The following PRSS54 variants were observed in gnomAD, a reference collection of about 807,000 sequenced individuals.
The protein encoded by PRSS54 is inactive serine protease 54.
A neutral mutation model predicts 19.9 loss-of-function variants in PRSS54; 16 were observed. That is an observed-to-expected ratio of 0.80 (90% CI 0.54 to 1.22). The LOEUF (loss-of-function observed/expected upper bound fraction) is 1.22, where lower values mean the gene tolerates loss of function less well. Among genes scored for constraint, PRSS54 ranks in the 50% most tolerant of loss-of-function variants. PRSS54 has a pLI of 0.00. For missense variants in PRSS54, 444 were observed against 494.8 expected (o/e 0.90, Z 0.97); for synonymous variants, 177 against 195.8 (o/e 0.90, Z 0.80).
At chr16:58,290,760 G>A (rs1225059804) in intron 4 of PRSS54, among the ~76,000 whole-genome samples, 199 bp downstream of exon 4, 1 of 152,188 alleles carries the variant, frequency 6.6e-6, no homozygotes, top group Non-Finnish European at 1.5e-5. Context: ...TCCGTTGCAA[G>A]GCCTGCAGTC....
At chr16:58,288,318 C>T (rs184893346) in intron 4 of PRSS54, among the ~76,000 whole-genome samples, 14 of 152,176 alleles carry the variant, frequency 9.2e-5, no homozygotes, top group East Asian at 7.7e-4. Context: ...CCCAGCTACT[C>T]GGGAGGCTGA....
chr16:58,291,093 G>T lies in PRSS54; in HGVS notation c.129C>A (p.Pro43=). Residue 43 remains proline (P), a synonymous_variant, in exon 4 of 7, where the codon CCC becomes CCA. Transcript: ENST00000567164. ...CCATGCTGCTGACCAAGCCCTCCTT[G>T]GGGTCAGGACCGTAGAAAACGGAAG... The part of the protein sequence containing the change: ...QKASVFYGPD[P]KEGLVSSMEF... The T allele has an allele frequency of 6.2e-7, 1 of 1,614,144 alleles. No homozygotes were observed. The highest frequency in any genetic ancestry group is 8.5e-7 in the Non-Finnish European group (1 of 1,180,016).
chr16:58,290,608 T>C (rs563694031), intron 4 of PRSS54, among the ~76,000 whole-genome samples: 1 of 152,324 alleles, frequency 6.6e-6, no homozygotes, highest in South Asian at 2.1e-4. Context: ...CCAAATGTTT[T>C]AAGGTAAGGG....
At position 58,291,114 on chromosome 16, in the gene PRSS54, G is replaced by C; in HGVS notation, c.108C>G (p.Ser36=). The stretch of plus-strand genomic sequence containing the variant: ...CCTTGGGGTCAGGACCGTAGAAAAC[G>C]GAAGCTTTCTGGACGCCACAACCTG... The part of the protein sequence containing the change: ...SSTSCGVQKA[S]VFYGPDPKEG... Residue 36 remains serine (S), a synonymous_variant, in exon 4 of 7, where the codon TCC becomes TCG. Coordinates refer to ENST00000567164, the MANE Select transcript of PRSS54 (RefSeq NM_001305173.2). The C allele has an allele frequency of 6.2e-7, 1 of 1,614,092 alleles. No individual in the cohort carries two copies. The highest frequency in any genetic ancestry group is 8.5e-7 in the Non-Finnish European group (1 of 1,180,028).
chr16:58,293,098 T>C (rs912474622), intron 3 of PRSS54, among the ~76,000 whole-genome samples: 2 of 151,050 alleles, frequency 1.3e-5, no homozygotes, highest in African/African-American at 2.4e-5. Flanking sequence ...AGTGTGTGTG[T>C]GCGTGTGTGT....
chr16:58,285,806 G>T, intron 5 of PRSS54, 131 bp downstream of exon 5: 1 of 977,858 alleles, frequency 1.0e-6, no homozygotes, highest in East Asian at 2.6e-5. Flanking sequence ...ATTAGGTAAG[G>T]GTTTCAGCCA....
Position 58,286,097 on chromosome 16 carries a change from AAG to A in PRSS54, c.360_361del (p.Phe121Ter). ...GTTGTTGCTCATGGAGTTGTTATCA[AAG>A]TCCTCATGGATGATGATGGTATTGA... On this transcript the variant is annotated frameshift_variant, in exon 5 of 7. Coordinates refer to ENST00000567164, the MANE Select transcript of PRSS54 (RefSeq NM_001305173.2). 3 of 1,614,184 alleles carry A rather than the reference AAG, an allele frequency of 1.9e-6. No individual in the cohort carries two copies. Among genetic ancestry groups the A allele is most frequent in the Non-Finnish European group, 2.5e-6 (3 of 1,180,028 alleles).
intron 6 of PRSS54, 166 bp downstream of exon 6, chr16:58,284,424 T>C (rs535501205): frequency 1.5e-6 from 1 of 645,670 alleles, no homozygotes; most frequent in Non-Finnish European, 2.7e-6. Context: ...CAGATTTTTA[T>C]TGAGCGCATA....
chr16:58,290,296 CA>C lies in PRSS54; in HGVS notation c.263+662del, dbSNP rs374272377. On this transcript the variant is annotated intron_variant, in intron 4 of 6. Coordinates refer to ENST00000567164, the MANE Select transcript of PRSS54 (RefSeq NM_001305173.2). ...CATCCTAGGAACAGCTTTGTACATA[CA>C]AATTTTCCAGTGGTTGAAATTATTT... 5.9e-3 allele frequency among the ~76,000 whole-genome samples: 901 copies of C among 152,090 alleles called. 4 individuals carry two copies. Among genetic ancestry groups the C allele is most frequent in the South Asian group, 0.013 (61 of 4,824 alleles).
rs1964686609 is a variant in PRSS54 at position 58,280,369 on chromosome 16, T to C, written c.1043A>G (p.Glu348Gly). ...ATAGTATAAGGGTTGTACAGACGCC[T>C]CAGGAGACCTGCCTGATTCCTTTAC... ...KDVKESGRSPEASVQPLYYDY... is the reference protein window; with the variant it reads ...KDVKESGRSPGASVQPLYYDY... Residue 348 changes from glutamate to glycine, a missense_variant, in exon 7 of 7, where the codon GAG becomes GGG. Transcript: ENST00000567164. 6.2e-7 allele frequency: 1 copy of C among 1,614,188 alleles called. No homozygotes were observed. The highest frequency in any genetic ancestry group is 8.5e-7 in the Non-Finnish European group (1 of 1,180,034).
At chr16:58,292,134 G>A (rs1027192597) in intron 3 of PRSS54, among the ~76,000 whole-genome samples, 9 of 152,026 alleles carry the variant, frequency 5.9e-5, no homozygotes, top group African/African-American at 2.2e-4. Context: ...TTGCCATGTT[G>A]GCCAGGCTGG....
Position 58,280,593 on chromosome 16 carries a change from A to G in PRSS54, c.819T>C (p.Pro273=). ...WITSKAERAG[P]PLSSLHHWEK... ...CCCAGTGGTGGAGTGAGGACAGGGG[A>G]GGGCCGGCCCTCTCAGCCTTGGATG... is the stretch of plus-strand genomic sequence containing the variant. The change falls in exon 7 of 7, where the codon CCT becomes CCC. Residue 273 remains proline, a synonymous_variant. Transcript: ENST00000567164. 1.2e-6 allele frequency: 2 copies of G among 1,614,100 alleles called. No individual in the cohort carries two copies. Among genetic ancestry groups the G allele is most frequent in the South Asian group, 1.1e-5 (1 of 91,076 alleles).
Position 58,290,948 on chromosome 16 carries a change from G to C in PRSS54, c.263+11C>G. The C allele has an allele frequency of 6.2e-7, 1 of 1,613,268 alleles. No homozygotes were observed. Among genetic ancestry groups the C allele is most frequent in the Non-Finnish European group, 8.5e-7 (1 of 1,179,446 alleles). On this transcript the variant is annotated intron_variant, in intron 4 of 6. Coordinates refer to ENST00000567164, the MANE Select transcript of PRSS54 (RefSeq NM_001305173.2). Reference sequence around the variant, plus strand: ...GGCGATGTTGCGGGCCCCAAAGGCAGGGGCACTGGCCTGTTCTGAATGGCG... The same window carrying C: ...GGCGATGTTGCGGGCCCCAAAGGCACGGGCACTGGCCTGTTCTGAATGGCG...
Position 58,294,175 on chromosome 16 carries a change from T to C in PRSS54, c.-197A>G. The C allele has an allele frequency of 1.1e-5, 3 of 264,130 alleles. No individual in the cohort carries two copies. Among genetic ancestry groups the C allele is most frequent in the South Asian group, 5.8e-5 (1 of 17,274 alleles). 16.4% of individuals were successfully genotyped at this position (264,130 alleles called of 1,614,324 possible). ...AAGGGCTGCTTTTTGACTCGTGGAA[T>C]TCAACCCTTGCCTTAACTCTGTAGC... On this transcript the variant is annotated 5_prime_UTR_variant, in exon 2 of 7. Coordinates refer to ENST00000567164, the MANE Select transcript of PRSS54 (RefSeq NM_001305173.2).
Position 58,280,761 on chromosome 16 carries a change from T to C in PRSS54, c.655-4A>G, listed in dbSNP as rs1596891167. On this transcript the variant is annotated splice_polypyrimidine_tract_variant and splice_region_variant and intron_variant, in intron 6 of 6. Transcript: ENST00000567164. ...TCATTGGGCTTCCTGGGTCCCCCTG[T>C]GATAAAAGACAGAAGGCTTCAAGTC... 6.3e-7 allele frequency: 1 copy of C among 1,596,098 alleles called. No individual in the cohort carries two copies. Among genetic ancestry groups the C allele is most frequent in the African/African-American group, 1.3e-5 (1 of 74,440 alleles).
chr16:58,284,528 C>A, intron 6 of PRSS54, 62 bp downstream of exon 6: 1 of 1,599,604 alleles, frequency 6.3e-7, no homozygotes, highest in South Asian at 1.1e-5. Context: ...AGTCCTGAGG[C>A]TCCCCTGGAT....
intron 5 of PRSS54, 134 bp downstream of exon 5, chr16:58,285,803 A>T: frequency 1.1e-6 from 1 of 924,716 alleles, no homozygotes. Context: ...CTGATTAGGT[A>T]AGGGTTTCAG....
In PRSS54 at chr16:58,294,991, A is replaced by C. The variant is rs1430697475; in HGVS notation, c.-336T>G. ...GGAGAAATGAACTCAGGCTGGCCTG[A>C]CACAGTAGAGTTCAACAGAAGGATT... On this transcript the variant is annotated 5_prime_UTR_variant, in exon 1 of 7. Coordinates refer to ENST00000567164, the MANE Select transcript of PRSS54 (RefSeq NM_001305173.2). 1 of 152,746 alleles carries C rather than the reference A, an allele frequency of 6.5e-6. No homozygotes were observed. The highest frequency in any genetic ancestry group is 1.5e-5 in the Non-Finnish European group (1 of 68,108). The allele number at this position is 152,746 out of a possible 1,614,324, so 9.5% of individuals were successfully genotyped here.
At chr16:58,294,453 C>A (rs575445032) in intron 1 of PRSS54, among the ~76,000 whole-genome samples, 1 of 152,154 alleles carries the variant, frequency 6.6e-6, no homozygotes, top group African/African-American at 2.4e-5. Flanking sequence ...CAGGTTCAAG[C>A]GATTTTCCTG....
Sources: gnomAD v4.1 joint callset for allele counts (sites outside exome capture counted in the v4.1 genomes callset) on GRCh38, gnomAD v4.1.1 for gene constraint, MANE v1.5 for transcripts, NCBI Gene and HGNC (gene_info 2026-07-23, HGNC 2026-07-21) for gene names.